Variants in ABI3BP observed in about 807,000 individuals in gnomAD.
ABI3BP encodes ABI family member 3 binding protein.
A neutral mutation model predicts 268.6 loss-of-function variants in ABI3BP; 216 were observed. The observed-to-expected ratio is 0.80, with a 90% CI of 0.72 to 0.90. The LOEUF (loss-of-function observed/expected upper bound fraction) is 0.90. ABI3BP is among the 40% of genes least tolerant of loss of function. The probability of loss-of-function intolerance (pLI) is 0.00; values close to 1 mark genes in which losing one functional copy is unlikely to be tolerated. For missense variants in ABI3BP, 2,090 were observed against 2,182.4 expected (o/e 0.96, Z 0.84); for synonymous variants, 730 against 730.0 (o/e 1.00, Z 0.00).
chr3:100,889,090 G>A (rs991915006), intron 4 of ABI3BP, among the ~76,000 whole-genome samples: 4 of 151,994 alleles, frequency 2.6e-5, no homozygotes, highest in African/African-American at 9.7e-5. Context: ...ATTATATTTT[G>A]CAACACATCA....
intron 43 of ABI3BP, chr3:100,816,487 C>T: frequency 1.5e-6 from 1 of 648,754 alleles, no homozygotes; most frequent in Admixed American, 2.3e-5. Flanking sequence ...TTTAGGAGAT[C>T]AGGCACACAA....
chr3:100,765,058 A>G (rs940593582), intron 63 of ABI3BP, among the ~76,000 whole-genome samples: 5 of 151,852 alleles, frequency 3.3e-5, no homozygotes, highest in African/African-American at 9.7e-5. Flanking sequence ...GAGCGTCACT[A>G]TCAATAACTA....
At chr3:100,794,433 A>ACCCAGAGGACTTG (rs2097283152) in intron 54 of ABI3BP, among the ~76,000 whole-genome samples, 1 of 151,998 alleles carries the variant, frequency 6.6e-6, no homozygotes, top group Non-Finnish European at 1.5e-5. Context: ...CAGAGGCTGC[A>ACCCAGAGGACTTG]GTATTATAAC....
In ABI3BP at chr3:100,864,078, T is replaced by G; in HGVS notation, c.1064-2A>C. 1 of 1,534,544 alleles carries G rather than the reference T, an allele frequency of 6.5e-7. No homozygotes were observed. Among genetic ancestry groups the G allele is most frequent in the Non-Finnish European group, 8.7e-7 (1 of 1,145,358 alleles). On this transcript the variant is annotated splice_acceptor_variant, in intron 11 of 67. Transcript: ENST00000471714. LOFTEE classifies it high-confidence loss of function. ...TTTCCGGGGTCCTTTTGCTGAGAACTACAATAAAAAAGAGTGCAGTTAGCA... is the reference window on the plus strand; with the variant it reads ...TTTCCGGGGTCCTTTTGCTGAGAACGACAATAAAAAAGAGTGCAGTTAGCA...
At position 100,909,374 on chromosome 3, in the gene ABI3BP, A is replaced by G. The variant is rs536754945; in HGVS notation, c.260-6688T>C. Among the ~76,000 whole-genome samples, 18 of 152,234 alleles carry G rather than the reference A, an allele frequency of 1.2e-4. 1 individual carries two copies. In the East Asian group the frequency reaches 3.5e-3, roughly 29 times the overall value. On this transcript the variant is annotated intron_variant, in intron 2 of 67. Coordinates refer to ENST00000471714, the MANE Select transcript of ABI3BP (RefSeq NM_001375547.2). ...GCAAAGACTTCATGACTAAAACACCAAAAGCAATGGCAAAAAAAAAAAGCC... is the reference window on the plus strand; with the variant it reads ...GCAAAGACTTCATGACTAAAACACCGAAAGCAATGGCAAAAAAAAAAAGCC...
At chr3:100,861,500 C>A (rs1344599271) in intron 14 of ABI3BP, among the ~76,000 whole-genome samples, 2 of 152,040 alleles carry the variant, frequency 1.3e-5, no homozygotes, top group Non-Finnish European at 2.9e-5. Flanking sequence ...TACAAATAAG[C>A]AAAACACAAA....
chr3:100,843,607 AGAG>A, intron 20 of ABI3BP: 1 of 983,846 alleles, frequency 1.0e-6, no homozygotes, highest in South Asian at 4.7e-5. Context: ...ATGGAGAGAG[AGAG>A]GAGAGTATGC....
intron 37 of ABI3BP, 44 bp from the exon 38 acceptor site, chr3:100,822,716 A>G (rs1259194122): frequency 2.0e-6 from 3 of 1,493,296 alleles, no homozygotes; most frequent in East Asian, 4.9e-5. Context: ...TGCATTATCT[A>G]TGATTCTGGA....
At chr3:100,887,210 G>A (rs1042574160) in intron 4 of ABI3BP, among the ~76,000 whole-genome samples, 7 of 151,976 alleles carry the variant, frequency 4.6e-5, no homozygotes, top group South Asian at 2.1e-4. Context: ...TTAAACAGCC[G>A]CTGTAAGTGG....
intron 1 of ABI3BP, among the ~76,000 whole-genome samples, chr3:100,939,983 C>T (rs939240285): frequency 2.6e-5 from 4 of 152,068 alleles, no homozygotes; most frequent in African/African-American, 9.7e-5. Context: ...CTCCCATTTG[C>T]TTTTGAAAGA....
intron 57 of ABI3BP, among the ~76,000 whole-genome samples, chr3:100,783,716 C>T (rs1560062337): frequency 6.6e-6 from 1 of 152,220 alleles, no homozygotes; most frequent in Non-Finnish European, 1.5e-5. Context: ...CACAACGATT[C>T]AACTCTGCCA....
At chr3:100,911,580 T>C in intron 2 of ABI3BP, 1 of 662,310 alleles carries the variant, frequency 1.5e-6, no homozygotes, top group Non-Finnish European at 2.8e-6. Context: ...TGATCCATCT[T>C]CTTCAAAAAA....
chr3:100,802,431 T>G (rs1448432260), intron 51 of ABI3BP, among the ~76,000 whole-genome samples: 1 of 152,182 alleles, frequency 6.6e-6, no homozygotes, highest in Non-Finnish European at 1.5e-5. Flanking sequence ...GACTCCAAGT[T>G]AAATATTATC....
At chr3:100,953,045 T>C (rs971690051) in intron 1 of ABI3BP, among the ~76,000 whole-genome samples, 2 of 152,198 alleles carry the variant, frequency 1.3e-5, no homozygotes, top group Non-Finnish European at 2.9e-5. Context: ...CTTTGATTCT[T>C]TTCACTTTTC....
At chr3:100,793,022 A>G (rs534525297) in intron 54 of ABI3BP, among the ~76,000 whole-genome samples, 1 of 151,976 alleles carries the variant, frequency 6.6e-6, no homozygotes, top group South Asian at 2.1e-4. Context: ...GGATCATTGT[A>G]TCATTAATCT....
At chr3:100,847,920 A>T (rs1176804020) in intron 18 of ABI3BP, among the ~76,000 whole-genome samples, 1 of 152,192 alleles carries the variant, frequency 6.6e-6, no homozygotes, top group East Asian at 1.9e-4. Context: ...ATATTGTTTG[A>T]CAATGAAGAA....
chr3:100,823,586 A>G (rs1171158394), intron 36 of ABI3BP, 72 bp from the exon 37 acceptor site: 35 of 1,144,844 alleles, frequency 3.1e-5, no homozygotes, highest in Middle Eastern at 2.0e-4. Context: ...CATGCAAACA[A>G]ATTTTACTGG....
intron 2 of ABI3BP, among the ~76,000 whole-genome samples, chr3:100,909,240 C>T (rs1382214850): frequency 6.6e-6 from 1 of 152,118 alleles, no homozygotes; most frequent in Non-Finnish European, 1.5e-5. Context: ...CTTCCTTACA[C>T]CTTATACAAA....
intron 26 of ABI3BP, 102 bp downstream of exon 26, chr3:100,838,108 T>G: frequency 7.7e-7 from 1 of 1,296,422 alleles, no homozygotes; most frequent in Non-Finnish European, 1.1e-6. Flanking sequence ...AATTATGGTA[T>G]TTGGATTTCT....
Sources: gnomAD v4.1 joint callset for allele counts (sites outside exome capture counted in the v4.1 genomes callset) on GRCh38, gnomAD v4.1.1 for gene constraint, MANE v1.5 for transcripts, NCBI Gene and HGNC (gene_info 2026-07-23, HGNC 2026-07-21) for gene names.